ROBO1: variants seen among roughly 807,000 people sequenced by gnomAD.
ROBO1 encodes roundabout guidance receptor 1.
A neutral mutation model predicts 195.9 loss-of-function variants in ROBO1; 149 were observed. The ratio of observed to expected loss-of-function variants is 0.76; its 90% CI spans 0.67 to 0.87. ROBO1 has a LOEUF of 0.87. Ranked by LOEUF, ROBO1 falls within the 40% of genes least tolerant of loss-of-function variation. The pLI, the probability that ROBO1 is intolerant of heterozygous loss-of-function variation, is 0.00. For missense variants in ROBO1, 1,933 were observed against 2,068.3 expected (o/e 0.93, Z 1.27); for synonymous variants, 816 against 733.2 (o/e 1.11, Z -1.82).
At chr3:79,036,116 A>C (rs2078377674) in intron 3 of ROBO1, among the ~76,000 whole-genome samples, 2 of 152,154 alleles carry the variant, frequency 1.3e-5, no homozygotes, top group African/African-American at 4.8e-5. Context: ...GGAGTTTTCT[A>C]TAGAACTAGA....
intron 4 of ROBO1, among the ~76,000 whole-genome samples, chr3:78,891,450 G>A (rs893829322): frequency 6.6e-6 from 1 of 152,240 alleles, no homozygotes; most frequent in Non-Finnish European, 1.5e-5. Context: ...AAAAAAGAAT[G>A]ATGACACCAT....
intron 1 of ROBO1, among the ~76,000 whole-genome samples, chr3:79,703,836 T>G (rs2107177004): frequency 6.6e-6 from 1 of 152,080 alleles, no homozygotes; most frequent in South Asian, 2.1e-4. Flanking sequence ...GAAAATCTTT[T>G]AGAGTTTCAT....
At chr3:78,724,915 T>C (rs562118340) in intron 5 of ROBO1, among the ~76,000 whole-genome samples, 11 of 152,318 alleles carry the variant, frequency 7.2e-5, no homozygotes, top group South Asian at 2.1e-4. Context: ...GGCAGGTCTC[T>C]TCCTGCGGCT....
chr3:79,425,648 A>T (rs986035779), intron 2 of ROBO1, among the ~76,000 whole-genome samples: 1 of 152,036 alleles, frequency 6.6e-6, no homozygotes, highest in Non-Finnish European at 1.5e-5. Flanking sequence ...AATCTGTTGA[A>T]GGAGCAAAGA....
chr3:78,826,316 G>C (rs1404056721), intron 4 of ROBO1, among the ~76,000 whole-genome samples: 1 of 152,052 alleles, frequency 6.6e-6, no homozygotes, highest in Non-Finnish European at 1.5e-5. Context: ...TGAACTTTTT[G>C]TTTATTGAAC....
intron 1 of ROBO1, among the ~76,000 whole-genome samples, chr3:79,651,834 A>C (rs1946018878): frequency 6.6e-6 from 1 of 152,180 alleles, no homozygotes; most frequent in Non-Finnish European, 1.5e-5. Flanking sequence ...GTGTCAAAGA[A>C]GATCACTGAA....
At position 78,639,793 on chromosome 3, in the gene ROBO1, C is replaced by T. The variant is rs756175842; in HGVS notation, c.2988G>A (p.Thr996=). ...TGCTGTCGCTGTTTCCATTGCCTGCCGTGCAGCAGCTGATGGAGCAGTCAT... is the reference window on the plus strand; with the variant it reads ...TGCTGTCGCTGTTTCCATTGCCTGCTGTGCAGCAGCTGATGGAGCAGTCAT... ...NHNDCSISCC[T]AGNGNSDSNL... The change falls in exon 22 of 31, where the codon ACG becomes ACA. Residue 996 remains threonine, a synonymous_variant. Transcript: ENST00000464233. 1.1e-5 allele frequency: 18 copies of T among 1,613,260 alleles called. No homozygotes were observed. The highest frequency in any genetic ancestry group is 1.7e-5 in the Admixed American group (1 of 59,966).
At chr3:78,965,252 G>T (rs2076616398) in intron 3 of ROBO1, among the ~76,000 whole-genome samples, 1 of 151,914 alleles carries the variant, frequency 6.6e-6, no homozygotes, top group Non-Finnish European at 1.5e-5. Context: ...ATACATTTAG[G>T]AAAATTCTAC....
intron 2 of ROBO1, among the ~76,000 whole-genome samples, chr3:79,554,181 C>T (rs895756934): frequency 3.3e-5 from 5 of 151,928 alleles, no homozygotes; most frequent in African/African-American, 1.2e-4. Context: ...TTCAGATAAA[C>T]TTTCTATCCC....
At chr3:79,460,225 A>G (rs1352253419) in intron 2 of ROBO1, among the ~76,000 whole-genome samples, 1 of 152,180 alleles carries the variant, frequency 6.6e-6, no homozygotes, top group Non-Finnish European at 1.5e-5. Flanking sequence ...AATGTAATAT[A>G]TACTTCCCAT....
At chr3:78,909,629 C>T (rs2038130028) in intron 4 of ROBO1, among the ~76,000 whole-genome samples, 1 of 151,596 alleles carries the variant, frequency 6.6e-6, no homozygotes, top group East Asian at 1.9e-4. Flanking sequence ...ATTTTGGTTT[C>T]CTAATAAATA....
At chr3:78,977,474 A>T (rs2076906676) in intron 3 of ROBO1, among the ~76,000 whole-genome samples, 1 of 151,992 alleles carries the variant, frequency 6.6e-6, no homozygotes, top group Non-Finnish European at 1.5e-5. Context: ...ATTGAATAGA[A>T]TATTTATTTT....
At chr3:79,510,827 C>A (rs995311015) in intron 2 of ROBO1, among the ~76,000 whole-genome samples, 3 of 152,022 alleles carry the variant, frequency 2.0e-5, no homozygotes, top group Admixed American at 2.0e-4. Flanking sequence ...GATTTTAAGA[C>A]CCTCATTCCA....
intron 2 of ROBO1, among the ~76,000 whole-genome samples, chr3:79,541,656 T>C (rs749609739): frequency 2.6e-5 from 4 of 152,002 alleles, no homozygotes; most frequent in East Asian, 1.9e-4. Context: ...CTACCCAAAA[T>C]TTTAGTTGTG....
At chr3:79,282,833 C>A (rs1221198486) in intron 2 of ROBO1, among the ~76,000 whole-genome samples, 1 of 151,980 alleles carries the variant, frequency 6.6e-6, no homozygotes, top group Non-Finnish European at 1.5e-5. Context: ...AGCCGTAAAA[C>A]CAGAGATACT....
chr3:78,988,715 T>C (rs1576520171), intron 3 of ROBO1, among the ~76,000 whole-genome samples: 2 of 152,348 alleles, frequency 1.3e-5, no homozygotes, highest in East Asian at 3.9e-4. Context: ...TATTCTCTTC[T>C]ATTACTTTTA....
chr3:79,403,005 A>G (rs2037419653), intron 2 of ROBO1, among the ~76,000 whole-genome samples: 1 of 151,928 alleles, frequency 6.6e-6, no homozygotes, highest in Non-Finnish European at 1.5e-5. Context: ...TTGCTACTGT[A>G]TGGTAAACTG....
At chr3:79,101,453 C>T (rs989387923) in intron 3 of ROBO1, among the ~76,000 whole-genome samples, 2 of 151,710 alleles carry the variant, frequency 1.3e-5, no homozygotes, top group Non-Finnish European at 1.5e-5. Flanking sequence ...GGGCATGATC[C>T]GTTTTGGATG....
chr3:78,715,769 C>T (rs761076917), intron 7 of ROBO1, among the ~76,000 whole-genome samples: 10 of 152,160 alleles, frequency 6.6e-5, no homozygotes, highest in Admixed American at 1.3e-4. Context: ...CTCCTGACCT[C>T]AGGTGATCCG....
Sources: allele counts gnomAD v4.1 joint callset (sites outside exome capture counted in the v4.1 genomes callset), GRCh38; gene constraint gnomAD v4.1.1; transcripts MANE v1.5; gene names NCBI Gene and HGNC (gene_info 2026-07-23, HGNC 2026-07-21).